The following BRCA2 variants were observed in gnomAD, a reference collection of about 807,000 sequenced individuals.
BRCA2 encodes breast cancer type 2 susceptibility protein.
BRCA2 carries 203 observed loss-of-function variants against 276.7 expected under a neutral mutation model. The observed-to-expected ratio is 0.73, with a 90% CI of 0.65 to 0.82. The LOEUF is 0.82. BRCA2 is among the 40% of genes least tolerant of loss of function. The pLI is 0.00. For synonymous variants in BRCA2, 1,289 were observed against 1,338.4 expected, an observed-to-expected ratio of 0.96 and a Z score of 0.81; for missense variants, 3,920 against 3,915.0, an observed-to-expected ratio of 1.00 and a Z score of -0.03.
At chr13:32,387,713 C>T (rs534781945) in intron 24 of BRCA2, among the ~76,000 whole-genome samples, 1 of 152,242 alleles carries the variant, frequency 6.6e-6, no homozygotes, top group East Asian at 1.9e-4. Flanking sequence ...CTTTGAAGTT[C>T]GTAGTAGATA....
In BRCA2 at chr13:32,337,031, C is replaced by A. The variant is rs398122751; in HGVS notation, c.2676C>A (p.Phe892Leu). The change falls in exon 11 of 27, where the codon TTC (phenylalanine) becomes TTA (leucine). Residue 892 changes from phenylalanine to leucine, a missense_variant. Phe to Leu is a conservative substitution (Grantham distance 22). Around this residue, in one of 2 missense-constraint regions of BRCA2, gnomAD observed 3,263 missense variants for 3,156.9 expected, o/e 1.03. Transcript: ENST00000380152. ...CAGACAATGAGAATAATTTTGTCTT[C>A]CAAGTAGCTAATGAAAGGAATAATC... Reference protein sequence around the residue: ...LFSDNENNFVFQVANERNNLA... With the variant: ...LFSDNENNFVLQVANERNNLA... 2 of 1,597,034 alleles carry A rather than the reference C, an allele frequency of 1.3e-6. No individual in the cohort carries two copies. Among genetic ancestry groups the A allele is most frequent in the South Asian group, 2.3e-5 (2 of 86,566 alleles).
At chr13:32,330,862 T>G in intron 8 of BRCA2, 57 bp from the exon 9 acceptor site, 1 of 1,031,814 alleles carries the variant, frequency 9.7e-7, no homozygotes, top group Non-Finnish European at 1.5e-6. Flanking sequence ...GGGGGACTAC[T>G]ACTATATGTG....
chr13:32,340,869 T>C lies in BRCA2; in HGVS notation c.6514T>C (p.Ser2172Pro). 6.2e-7 allele frequency: 1 copy of C among 1,600,918 alleles called. No homozygotes were observed. The highest frequency in any genetic ancestry group is 8.5e-7 in the Non-Finnish European group (1 of 1,176,252). The change falls in exon 11 of 27, where the codon TCA (serine) becomes CCA (proline). Residue 2172 changes from serine (S) to proline (P), a missense_variant. Physicochemically the swap from Ser to Pro is moderately conservative, Grantham distance 74. Coordinates refer to ENST00000380152, the MANE Select transcript of BRCA2 (RefSeq NM_000059.4). ...ACAGTTGGTATTAGGAACCAAAGTG[T>C]CACTTGTTGAGAACATTCATGTTTT... is the stretch of plus-strand genomic sequence containing the variant. ...KQQLVLGTKV[S>P]LVENIHVLGK...
Position 32,339,153 on chromosome 13 carries a change from AATG to A in BRCA2, c.4801_4803del (p.Asp1601del), listed in dbSNP as rs730881609. The A allele has an allele frequency of 6.2e-7, 1 of 1,613,992 alleles. No homozygotes were observed. Among genetic ancestry groups the A allele is most frequent in the Non-Finnish European group, 8.5e-7 (1 of 1,179,930 alleles). On this transcript the variant is annotated inframe_deletion, in exon 11 of 27. Coordinates refer to ENST00000380152, the MANE Select transcript of BRCA2 (RefSeq NM_000059.4). ...TAAAGAAATGCAGAATTCTCTCAATAATGATAAAAACCTTGTTTCTATTGAGAC... is the reference window on the plus strand; with the variant it reads ...TAAAGAAATGCAGAATTCTCTCAATAATAAAAACCTTGTTTCTATTGAGAC...
At chr13:32,363,805 C>T (rs2072763063) in intron 18 of BRCA2, among the ~76,000 whole-genome samples, 1 of 152,196 alleles carries the variant, frequency 6.6e-6, no homozygotes, top group South Asian at 2.1e-4. Flanking sequence ...GCTTGCTGCC[C>T]TCTTGTTCTC....
rs587780549 is a variant in BRCA2 at position 32,336,953 on chromosome 13, A to T, written c.2598A>T (p.Glu866Asp). 2 of 1,585,626 alleles carry T rather than the reference A, an allele frequency of 1.3e-6. No individual in the cohort carries two copies. The highest frequency in any genetic ancestry group is 1.7e-6 in the Non-Finnish European group (2 of 1,172,822). Residue 866 changes from glutamate (E) to aspartate (D), a missense_variant, in exon 11 of 27, where the codon GAA (glutamate) becomes GAT (aspartate). By Grantham distance (45) the Glu-to-Asp change is conservative. Around this residue, in one of 2 missense-constraint regions of BRCA2, gnomAD observed 3,263 missense variants for 3,156.9 expected, o/e 1.03. Coordinates refer to ENST00000380152, the MANE Select transcript of BRCA2 (RefSeq NM_000059.4). ...GAGTAATCCAAAAAAATCAAGAAGAAACTACTTCAATTTCAAAAATAACTG... is the reference window on the plus strand; with the variant it reads ...GAGTAATCCAAAAAAATCAAGAAGATACTACTTCAATTTCAAAAATAACTG... ...NLRVIQKNQEETTSISKITVN... is the reference protein window; with the variant it reads ...NLRVIQKNQEDTTSISKITVN...
rs539929888 is a variant in BRCA2 at position 32,326,112 on chromosome 13, T to C, written c.437T>C (p.Leu146Pro). ...NSCLSESPVVLQCTHVTPQRD... is the reference protein window; with the variant it reads ...NSCLSESPVVPQCTHVTPQRD... ...TTGTTTTATTTTAGTCCTGTTGTTCTACAATGTACACATGTAACACCACAA... is the reference window on the plus strand; with the variant it reads ...TTGTTTTATTTTAGTCCTGTTGTTCCACAATGTACACATGTAACACCACAA... The change falls in exon 5 of 27, where the codon CTA (leucine) becomes CCA (proline). Residue 146 changes from leucine (L) to proline (P), a missense_variant. Physicochemically the swap from Leu to Pro is moderately conservative, Grantham distance 98. Coordinates refer to ENST00000380152, the MANE Select transcript of BRCA2 (RefSeq NM_000059.4). 1.2e-6 allele frequency: 2 copies of C among 1,610,022 alleles called. No homozygotes were observed. The highest frequency in any genetic ancestry group is 3.3e-5 in the Admixed American group (2 of 59,990).
chr13:32,399,610 C>A lies in BRCA2; in HGVS notation c.*840C>A. The A allele has an allele frequency of 5.7e-6, 1 of 174,284 alleles. No homozygotes were observed. The highest frequency in any genetic ancestry group is 9.8e-5 in the East Asian group (1 of 10,250). The allele number at this position is 174,284 out of a possible 1,614,324, so 10.8% of individuals were successfully genotyped here. On this transcript the variant is annotated 3_prime_UTR_variant, in exon 27 of 27. Coordinates refer to ENST00000380152, the MANE Select transcript of BRCA2 (RefSeq NM_000059.4). ...TTCATAGTTAATTTATTTTTTTTTT[C>A]AACAAAATGGTCATCCAAACTCAAA...
At chr13:32,375,811 C>T (rs919272128) in intron 20 of BRCA2, among the ~76,000 whole-genome samples, 24 of 151,954 alleles carry the variant, frequency 1.6e-4, no homozygotes, top group African/African-American at 5.8e-4. Context: ...CCACCCGCCT[C>T]GGCCTCCCAA....
chr13:32,330,518 G>T (rs1348683764), intron 8 of BRCA2, among the ~76,000 whole-genome samples: 1 of 152,160 alleles, frequency 6.6e-6, no homozygotes, highest in Admixed American at 6.5e-5. Context: ...TTGAACACAA[G>T]CACTGTGGTA....
chr13:32,338,269 T>C lies in BRCA2; in HGVS notation c.3914T>C (p.Phe1305Ser), dbSNP rs80358635. The C allele has an allele frequency of 6.4e-7, 1 of 1,565,676 alleles. No homozygotes were observed. The highest frequency in any genetic ancestry group is 2.3e-5 in the East Asian group (1 of 44,178). The change falls in exon 11 of 27, where the codon TTT becomes TCT. Residue 1305 changes from phenylalanine (F) to serine (S), a missense_variant. By Grantham distance (155) the Phe-to-Ser change is radical. Transcript: ENST00000380152. ...QNNIEMTTGT[F>S]VEEITENYKR... Reference sequence around the variant, plus strand: ...AATATTGAAATGACTACTGGCACTTTTGTTGAAGAAATTACTGAAAATTAC... The same window carrying C: ...AATATTGAAATGACTACTGGCACTTCTGTTGAAGAAATTACTGAAAATTAC...
chr13:32,382,240 C>T (rs2072929670), intron 24 of BRCA2, among the ~76,000 whole-genome samples: 1 of 152,196 alleles, frequency 6.6e-6, no homozygotes, highest in African/African-American at 2.4e-5. Context: ...GCATGAGCCA[C>T]TGCACCCGGC....
rs1237865460 is a variant in BRCA2 at position 32,355,256 on chromosome 13, T to A, written c.7403T>A (p.Val2468Glu). Residue 2468 changes from valine (V) to glutamate (E), a missense_variant, in exon 14 of 27, where the codon GTA becomes GAA. Coordinates refer to ENST00000380152, the MANE Select transcript of BRCA2 (RefSeq NM_000059.4). ...NKNNSNQAVA[V>E]TFTKCEEEPL... is the part of the protein sequence containing the mutation. Reference sequence around the variant, plus strand: ...AACAACTCCAATCAAGCAGTAGCTGTAACTTTCACAAAGTGTGAAGAAGAA... The same window carrying A: ...AACAACTCCAATCAAGCAGTAGCTGAAACTTTCACAAAGTGTGAAGAAGAA... 1 of 1,613,724 alleles carries A rather than the reference T, an allele frequency of 6.2e-7. No individual in the cohort carries two copies. Among genetic ancestry groups the A allele is most frequent in the South Asian group, 1.1e-5 (1 of 91,054 alleles).
intron 10 of BRCA2, among the ~76,000 whole-genome samples, 176 bp downstream of exon 10, chr13:32,333,563 A>G (rs1056577875): frequency 1.3e-5 from 2 of 152,154 alleles, no homozygotes; most frequent in Non-Finnish European, 2.9e-5. Context: ...GGTCACTCAA[A>G]CATGGTAGAT....
At chr13:32,398,024 C>T (rs1229263621) in intron 26 of BRCA2, 138 bp from the exon 27 acceptor site, 6 of 817,990 alleles carry the variant, frequency 7.3e-6, no homozygotes, top group Non-Finnish European at 1.1e-5. Context: ...CTGAAATCAC[C>T]TAACCTATTA....
intron 13 of BRCA2, among the ~76,000 whole-genome samples, chr13:32,349,636 T>A (rs1186481485): frequency 6.6e-6 from 1 of 151,798 alleles, no homozygotes; most frequent in African/African-American, 2.4e-5. Context: ...GCTAACATGG[T>A]GAAACCCCAT....
intron 11 of BRCA2, among the ~76,000 whole-genome samples, chr13:32,342,773 C>T (rs868588833): frequency 2.3e-4 from 35 of 152,248 alleles, no homozygotes; most frequent in African/African-American, 7.7e-4. Context: ...GGGCTGGGCT[C>T]AGTGGCTCAT....
At chr13:32,351,799 A>ATTTC (rs11571697) in intron 13 of BRCA2, among the ~76,000 whole-genome samples, 5 of 151,424 alleles carry the variant, frequency 3.3e-5, no homozygotes, top group Non-Finnish European at 5.9e-5. Context: ...ATTTTATTTT[A>ATTTC]TTTATTTATT....
At position 32,332,397 on chromosome 13, in the gene BRCA2, A is replaced by G. The variant is rs1039490629; in HGVS notation, c.919A>G (p.Ser307Gly). ...ETVVDTSEEDSFSLCFSKCRT... is the reference protein window; with the variant it reads ...ETVVDTSEEDGFSLCFSKCRT... ...AGTTGTAGATACCTCTGAAGAAGAT[A>G]GTTTTTCATTATGTTTTTCTAAATG... is the stretch of plus-strand genomic sequence containing the variant. Residue 307 changes from serine to glycine, a missense_variant, in exon 10 of 27, where the codon AGT becomes GGT. Around this residue, in one of 2 missense-constraint regions of BRCA2, gnomAD observed 3,263 missense variants for 3,156.9 expected, o/e 1.03. Coordinates refer to ENST00000380152, the MANE Select transcript of BRCA2 (RefSeq NM_000059.4). 3 of 1,591,920 alleles carry G rather than the reference A, an allele frequency of 1.9e-6. No individual in the cohort carries two copies. Among genetic ancestry groups the G allele is most frequent in the Non-Finnish European group, 2.6e-6 (3 of 1,170,080 alleles).
Sources: gnomAD v4.1 joint callset for allele counts (sites outside exome capture counted in the v4.1 genomes callset) on GRCh38, gnomAD v4.1.1 for gene constraint, gnomAD v4.1.1 regional missense constraint, MANE v1.5 for transcripts, NCBI Gene and HGNC (gene_info 2026-07-23, HGNC 2026-07-21) for gene names.